The following UTY variants were observed in gnomAD, a reference collection of about 807,000 sequenced individuals.
UTY encodes histone demethylase UTY.
Under a neutral mutation model 32.5 loss-of-function variants are expected in UTY, and 12 were observed. The observed-to-expected ratio is 0.37, with a 90% CI of 0.24 to 0.60. UTY has a LOEUF of 0.60. UTY is among the 20% of genes least tolerant of loss of function. The pLI, the probability that UTY is intolerant of heterozygous loss-of-function variation, is 0.69. For synonymous variants in UTY, 131 were observed against 103.4 expected (o/e 1.27, Z -1.62); for missense variants, 303 against 299.2 (o/e 1.01, Z -0.09).
At chrY:13,332,164 A>G in intron 18 of UTY, among the ~76,000 whole-genome samples, 1 of 34,182 alleles carries the variant, frequency 2.9e-5, no homozygotes, top group East Asian at 7.6e-4. Flanking sequence ...AAATTCTACC[A>G]GACGTACAAA....
chrY:13,289,482 T>C (rs2057632244), intron 27 of UTY, among the ~76,000 whole-genome samples: 1 of 34,011 alleles, frequency 2.9e-5, no homozygotes, highest in Admixed American at 2.6e-4. Context: ...TGCCTTGTTC[T>C]GTTTCTCTCT....
intron 6 of UTY, among the ~76,000 whole-genome samples, chrY:13,397,184 G>C (rs941067452): frequency 3.0e-5 from 1 of 33,383 alleles, no homozygotes; most frequent in African/African-American, 1.2e-4. Context: ...GTTAAGAATG[G>C]AGGCTGTATG....
intron 26 of UTY, among the ~76,000 whole-genome samples, 154 bp from the exon 27 acceptor site, chrY:13,298,002 TA>T (rs757920745): frequency 3.1e-5 from 1 of 32,527 alleles, no homozygotes; most frequent in Non-Finnish European, 7.6e-5. Flanking sequence ...TAACTTTGGT[TA>T]AAAAAAAACC....
At chrY:13,247,045 T>C, downstream of UTY, among the ~76,000 whole-genome samples, 1 of 32,722 alleles carries the variant, frequency 3.1e-5, no homozygotes, top group Non-Finnish European at 7.5e-5. Flanking sequence ...ACATAGTTCT[T>C]GTTTTCTTTT....
chrY:13,261,671 A>G, intron 27 of UTY, among the ~76,000 whole-genome samples: 1 of 33,153 alleles, frequency 3.0e-5, no homozygotes, highest in Non-Finnish European at 7.4e-5. Context: ...TCCTATAAGT[A>G]ACCCTGGGGC....
At chrY:13,411,825 A>G in intron 5 of UTY, among the ~76,000 whole-genome samples, 1 of 33,552 alleles carries the variant, frequency 3.0e-5, no homozygotes, top group Admixed American at 2.7e-4. Flanking sequence ...GTGTAATAAC[A>G]TGGATAGGGG....
intron 4 of UTY, among the ~76,000 whole-genome samples, chrY:13,436,437 A>T: frequency 3.0e-5 from 1 of 32,987 alleles, no homozygotes; most frequent in Non-Finnish European, 7.5e-5. Flanking sequence ...TGTGGCAGAG[A>T]GTAACAAACT....
intron 28 of UTY, among the ~76,000 whole-genome samples, chrY:13,235,322 G>A: frequency 3.0e-5 from 1 of 33,180 alleles, no homozygotes; most frequent in African/African-American, 1.2e-4. Context: ...AGGCTCAAGA[G>A]CACAGGGAGG....
At chrY:13,308,548 A>G in intron 21 of UTY, among the ~76,000 whole-genome samples, 3 of 32,353 alleles carry the variant, frequency 9.3e-5, no homozygotes, top group African/African-American at 3.7e-4. Flanking sequence ...GAACTCAGGA[A>G]GTAGAGGTTA....
At chrY:13,386,990 C>A (rs2066913033) in intron 8 of UTY, among the ~76,000 whole-genome samples, 1 of 33,121 alleles carries the variant, frequency 3.0e-5, no homozygotes. Context: ...CAGAGCAAGA[C>A]TCCGTCAAAA....
intron 4 of UTY, among the ~76,000 whole-genome samples, chrY:13,436,443 A>C: frequency 3.0e-5 from 1 of 32,940 alleles, no homozygotes; most frequent in Non-Finnish European, 7.5e-5. Context: ...AGAGAGTAAC[A>C]AACTCTCCAA....
At chrY:13,358,438 T>C in intron 14 of UTY, 26 bp downstream of exon 14, 1 of 374,570 alleles carries the variant, frequency 2.7e-6, no homozygotes, top group Non-Finnish European at 3.7e-6. Context: ...ACTGGGATTT[T>C]CCATATCTCT....
chrY:13,426,002 A>C, intron 4 of UTY, among the ~76,000 whole-genome samples: 3 of 33,191 alleles, frequency 9.0e-5, no homozygotes, highest in Non-Finnish European at 2.2e-4. Flanking sequence ...ACCAAAAGAA[A>C]CCAACAATGC....
intron 6 of UTY, among the ~76,000 whole-genome samples, chrY:13,402,373 A>G (rs2069228684): frequency 3.0e-5 from 1 of 33,490 alleles, no homozygotes; most frequent in Non-Finnish European, 7.4e-5. Context: ...CTTTCCAGAA[A>G]CAAATTATCA....
At chrY:13,425,990 C>G (rs2073212129) in intron 4 of UTY, among the ~76,000 whole-genome samples, 1 of 32,955 alleles carries the variant, frequency 3.0e-5, no homozygotes, top group Non-Finnish European at 7.5e-5. Flanking sequence ...GAAACAGATA[C>G]AACCAAAAGA....
chrY:13,350,668 AAAG>A (rs2062317708), intron 17 of UTY, among the ~76,000 whole-genome samples: 2 of 32,716 alleles, frequency 6.1e-5, no homozygotes, highest in South Asian at 6.9e-4. Context: ...CCCTCCAAAG[AAAG>A]AAGAAGTAAA....
intron 18 of UTY, 84 bp from the exon 19 acceptor site, chrY:13,326,434 G>A: frequency 1.6e-5 from 4 of 242,775 alleles, no homozygotes; most frequent in Non-Finnish European, 2.5e-5. Context: ...TAAAAGTCAG[G>A]CATAAGGCAT....
At chrY:13,276,860 CAAAACA>C (rs2056730079) in intron 27 of UTY, among the ~76,000 whole-genome samples, 12 of 33,480 alleles carry the variant, frequency 3.6e-4, no homozygotes, top group Non-Finnish European at 8.9e-4. Context: ...TAAGAAAAAA[CAAAACA>C]AAAACAAAAA....
At chrY:13,311,072 A>G in intron 21 of UTY, among the ~76,000 whole-genome samples, 1 of 30,130 alleles carries the variant, frequency 3.3e-5, no homozygotes, top group Non-Finnish European at 8.1e-5. Context: ...TGGGCGACAG[A>G]GTGAGACTCC....
Sources: gnomAD v4.1 joint callset for allele counts (sites outside exome capture counted in the v4.1 genomes callset) on GRCh38, gnomAD v4.1.1 for gene constraint, MANE v1.5 for transcripts, NCBI Gene and HGNC (gene_info 2026-07-23, HGNC 2026-07-21) for gene names.